C2CD2: variants seen among roughly 807,000 people sequenced by gnomAD.
C2CD2 encodes C2 calcium dependent domain containing 2.
A neutral mutation model predicts 74.3 loss-of-function variants in C2CD2; 43 were observed. The ratio of observed to expected loss-of-function variants is 0.58; its 90% confidence interval spans 0.45 to 0.75. C2CD2 has a LOEUF of 0.75. Among genes scored for constraint, C2CD2 ranks in the 30% least tolerant of loss-of-function variants. The pLI is 0.00. For missense variants in C2CD2, 801 were observed against 916.3 expected (o/e 0.87, Z 1.63); for synonymous variants, 422 against 390.7 (o/e 1.08, Z -0.94).
intron 1 of C2CD2, 120 bp downstream of exon 1, chr21:41,953,250 T>TG: frequency 1.8e-6 from 1 of 559,684 alleles, no homozygotes; most frequent in Non-Finnish European, 2.9e-6. Context: ...TGGTCTGCGC[T>TG]GGGGGGAGGA....
chr21:41,899,429 A>G lies in C2CD2; in HGVS notation c.1561-67T>C. The G allele has an allele frequency of 7.1e-7, 1 of 1,414,098 alleles. No individual in the cohort carries two copies. Among genetic ancestry groups the G allele is most frequent in the Non-Finnish European group, 9.7e-7 (1 of 1,029,504 alleles). The allele number at this position is 1,414,098 out of a possible 1,614,324, so 87.6% of individuals were successfully genotyped here. On this transcript the variant is annotated intron_variant, in intron 12 of 13. Coordinates refer to ENST00000380486, the MANE Select transcript of C2CD2 (RefSeq NM_015500.2). This position sits in a 1 kb window ranked among gnomAD's most constrained non-coding sequence, Gnocchi z 4.4. Reference sequence around the variant, plus strand: ...GGAAGGGAGGGTTTGAAAAGAACTGAAAAGCACTCTCCAAAACATTCTGAC... The same window carrying G: ...GGAAGGGAGGGTTTGAAAAGAACTGGAAAGCACTCTCCAAAACATTCTGAC...
chr21:41,895,915 G>A lies in C2CD2; in HGVS notation c.1870+3138C>T, dbSNP rs780854030. Reference sequence around the variant, plus strand: ...CCACAGATGGTCCGTTGATAGAAGCGACTACTTTTTAGCTCTGGAGGACGA... The same window carrying A: ...CCACAGATGGTCCGTTGATAGAAGCAACTACTTTTTAGCTCTGGAGGACGA... On this transcript the variant is annotated intron_variant, in intron 13 of 13. Coordinates refer to ENST00000380486, the MANE Select transcript of C2CD2 (RefSeq NM_015500.2). This position sits in a 1 kb window ranked among gnomAD's most constrained non-coding sequence, Gnocchi z 5.0. 1.6e-4 allele frequency among the ~76,000 whole-genome samples: 25 copies of A among 152,170 alleles called. No homozygotes were observed. Among genetic ancestry groups the A allele is most frequent in the African/African-American group, 5.1e-4 (21 of 41,440 alleles).
In C2CD2 at chr21:41,912,329, C is replaced by T. The variant is rs1321359586; in HGVS notation, c.953+3G>A. The T allele has an allele frequency of 1.9e-6, 3 of 1,600,192 alleles. No individual in the cohort carries two copies. In the African/African-American group the frequency reaches 4.0e-5, roughly 21 times the overall value. ...CACAGGCCCATAACCCGGCCAGACT[C>T]ACAAGGTGAATTCCTCTTCCCACAT... On this transcript the variant is annotated splice_donor_region_variant and intron_variant, in intron 7 of 13. Transcript: ENST00000380486.
At chr21:41,909,377 C>T (rs2065000367) in intron 8 of C2CD2, 82 bp downstream of exon 8, 1 of 921,800 alleles carries the variant, frequency 1.1e-6, no homozygotes, top group Admixed American at 1.7e-5. Flanking sequence ...CTGGATCTCC[C>T]ACCGCCCTTT....
At chr21:41,909,405 T>C (rs2065000751) in intron 8 of C2CD2, 54 bp downstream of exon 8, 2 of 1,214,626 alleles carry the variant, frequency 1.6e-6, no homozygotes, top group East Asian at 2.3e-5. Flanking sequence ...GCCGAGGTCA[T>C]GCAGCGGAGG....
intron 13 of C2CD2, among the ~76,000 whole-genome samples, chr21:41,896,714 A>AAAAC: frequency 1.3e-5 from 2 of 151,574 alleles, no homozygotes; most frequent in South Asian, 4.2e-4. Flanking sequence ...AACCAAAAAA[A>AAAAC]AAAAAAAAAA....
intron 2 of C2CD2, among the ~76,000 whole-genome samples, chr21:41,938,160 C>T (rs2065324022): frequency 1.3e-5 from 2 of 148,922 alleles, no homozygotes; most frequent in Non-Finnish European, 2.9e-5. Flanking sequence ...TTAGCCATTC[C>T]ACACGTGTAT....
intron 13 of C2CD2, among the ~76,000 whole-genome samples, chr21:41,896,369 G>A (rs2064822169): frequency 6.6e-6 from 1 of 152,116 alleles, no homozygotes; most frequent in Non-Finnish European, 1.5e-5. Flanking sequence ...ACGCACACAG[G>A]ACGCCACTGT....
chr21:41,914,566 C>T, intron 6 of C2CD2, 32 bp downstream of exon 6: 1 of 1,607,290 alleles, frequency 6.2e-7, no homozygotes, highest in Non-Finnish European at 8.5e-7. Context: ...GGAAGAGCCC[C>T]TCCAGGCAGG....
At chr21:41,900,564 CGCCT>C (rs1569058584) in intron 12 of C2CD2, among the ~76,000 whole-genome samples, 1 of 152,188 alleles carries the variant, frequency 6.6e-6, no homozygotes, top group African/African-American at 2.4e-5. Context: ...AAACACCACC[CGCCT>C]GCCTCTGGGA....
intron 6 of C2CD2, 49 bp from the exon 7 acceptor site, chr21:41,912,489 ATTTATTT>A (rs1266358838): frequency 1.2e-6 from 1 of 822,050 alleles, no homozygotes; most frequent in East Asian, 3.3e-5. Flanking sequence ...TTTATTATTT[ATTTATTT>A]TTTTTTTTTT....
At position 41,889,249 on chromosome 21, in the gene C2CD2, G is replaced by A; in HGVS notation, c.1966C>T (p.Leu656=). 6.2e-7 allele frequency: 1 copy of A among 1,614,038 alleles called. No homozygotes were observed. The highest frequency in any genetic ancestry group is 8.5e-7 in the Non-Finnish European group (1 of 1,180,014). The change falls in exon 14 of 14, where the codon CTG becomes TTG. Residue 656 remains leucine, a synonymous_variant. Coordinates refer to ENST00000380486, the MANE Select transcript of C2CD2 (RefSeq NM_015500.2). ...MSQSHNDLVF[L]EQPEGSRRKG... is the part of the protein sequence containing the mutation. The stretch of plus-strand genomic sequence containing the variant: ...CTCCGGGAACCCTCTGGCTGCTCCA[G>A]GAACACAAGGTCATTGTGTGACTGA...
chr21:41,938,118 GGTAA>G (rs1457355921), intron 2 of C2CD2, among the ~76,000 whole-genome samples: 2 of 151,430 alleles, frequency 1.3e-5, no homozygotes, highest in East Asian at 3.9e-4. Flanking sequence ...CACACAAAAT[GGTAA>G]GTATGTGACA....
chr21:41,889,059 G>T lies in C2CD2; in HGVS notation c.*65C>A. ...TGGACATCCGGCGGACACACTGGCT[G>T]CGTCCTGGTGAGGGTAGTTAACATG... On this transcript the variant is annotated 3_prime_UTR_variant, in exon 14 of 14. Transcript: ENST00000380486. 8.3e-7 allele frequency: 1 copy of T among 1,205,328 alleles called. No individual in the cohort carries two copies. The highest frequency in any genetic ancestry group is 1.2e-6 in the Non-Finnish European group (1 of 816,262). 74.7% of individuals were successfully genotyped at this position (1,205,328 alleles called of 1,614,324 possible).
At chr21:41,952,451 T>C (rs73221457) in intron 1 of C2CD2, among the ~76,000 whole-genome samples, 1 of 152,264 alleles carries the variant, frequency 6.6e-6, no homozygotes, top group East Asian at 1.9e-4. Context: ...TGCACAGGCA[T>C]GTGCAGGAAA....
chr21:41,925,214 G>A (rs1017788829), intron 2 of C2CD2, among the ~76,000 whole-genome samples: 1 of 152,132 alleles, frequency 6.6e-6, no homozygotes, highest in Non-Finnish European at 1.5e-5. Flanking sequence ...GGCCGAGTGT[G>A]GTGGCTCACG....
intron 1 of C2CD2, among the ~76,000 whole-genome samples, chr21:41,942,497 G>A (rs1210850766): frequency 2.6e-5 from 4 of 152,192 alleles, no homozygotes; most frequent in South Asian, 2.1e-4. Context: ...GAACCCGGGA[G>A]TAAACCTGAA....
At chr21:41,897,873 G>A (rs2064842405) in intron 13 of C2CD2, among the ~76,000 whole-genome samples, 1 of 152,228 alleles carries the variant, frequency 6.6e-6, no homozygotes, top group African/African-American at 2.4e-5. Flanking sequence ...AGGCTGCCTT[G>A]TGGGGGCGTG....
Position 41,901,735 on chromosome 21 carries a change from T to C in C2CD2, c.1447A>G (p.Asn483Asp). The change falls in exon 12 of 14, where the codon AAT (asparagine) becomes GAT (aspartate). Residue 483 changes from asparagine (N) to aspartate (D), a missense_variant. By Grantham distance (23) the Asn-to-Asp change is conservative. Coordinates refer to ENST00000380486, the MANE Select transcript of C2CD2 (RefSeq NM_015500.2). ...SSSDTELLVL[N>D]GSDPVAEVAI... ...ACTTCAGCCACTGGATCCGAACCAT[T>C]CAACACCAACAATTCTACCAGAAGG... 2 of 1,614,064 alleles carry C rather than the reference T, an allele frequency of 1.2e-6. No homozygotes were observed.
Sources: gnomAD v4.1 joint callset for allele counts (sites outside exome capture counted in the v4.1 genomes callset) on GRCh38, gnomAD v4.1.1 for gene constraint, Gnocchi (gnomAD v3.1) non-coding constraint, MANE v1.5 for transcripts, NCBI Gene and HGNC (gene_info 2026-07-23, HGNC 2026-07-21) for gene names.